CPA6: variants seen among roughly 807,000 people sequenced by gnomAD.
CPA6 encodes the protein carboxypeptidase B.
Under a neutral mutation model 63.3 loss-of-function variants are expected in CPA6, and 58 were observed. The ratio of observed to expected loss-of-function variants is 0.92; its 90% CI spans 0.74 to 1.14. CPA6 has a LOEUF of 1.14. Among genes scored for constraint, CPA6 ranks in the 50% most tolerant of loss-of-function variants. The pLI is 0.00. For synonymous variants in CPA6, 185 were observed against 179.0 expected (o/e 1.03, Z -0.27); for missense variants, 565 against 526.6 (o/e 1.07, Z -0.71).
intron 1 of CPA6, among the ~76,000 whole-genome samples, chr8:67,662,092 T>C (rs1489958804): frequency 6.6e-6 from 1 of 152,150 alleles, no homozygotes; most frequent in Non-Finnish European, 1.5e-5. Context: ...TGGTGCAGGT[T>C]CTGGGGGAGG....
intron 8 of CPA6, among the ~76,000 whole-genome samples, chr8:67,440,386 C>T (rs567060732): frequency 2.6e-5 from 4 of 152,100 alleles, no homozygotes; most frequent in African/African-American, 4.8e-5. Flanking sequence ...GCCTGGCCAA[C>T]GTGGTAAAAC....
At chr8:67,682,597 G>T (rs964092687) in intron 1 of CPA6, among the ~76,000 whole-genome samples, 1 of 152,178 alleles carries the variant, frequency 6.6e-6, no homozygotes, top group Non-Finnish European at 1.5e-5. Flanking sequence ...ATTTGACTTT[G>T]TTGGGTCTTG....
chr8:67,611,786 A>T (rs879924267), intron 2 of CPA6, among the ~76,000 whole-genome samples: 8 of 152,178 alleles, frequency 5.3e-5, no homozygotes, highest in African/African-American at 1.4e-4. Flanking sequence ...AGTTTTGCTC[A>T]TACCAAAGCA....
intron 2 of CPA6, among the ~76,000 whole-genome samples, chr8:67,573,912 A>AAAAAAAAAAAAAC (rs1813554974): frequency 6.6e-6 from 1 of 150,550 alleles, no homozygotes; most frequent in Non-Finnish European, 1.5e-5. Flanking sequence ...AAAAAAAAAA[A>AAAAAAAAAAAAAC]AAAAAAAATC....
chr8:67,489,485 T>A (rs1355936638), intron 6 of CPA6, among the ~76,000 whole-genome samples: 1 of 147,752 alleles, frequency 6.8e-6, no homozygotes, highest in African/African-American at 2.6e-5. Context: ...ATAAATGTTT[T>A]TTTCTAAATA....
At chr8:67,635,778 A>T (rs1361895383) in intron 1 of CPA6, among the ~76,000 whole-genome samples, 1 of 151,660 alleles carries the variant, frequency 6.6e-6, no homozygotes, top group African/African-American at 2.4e-5. Flanking sequence ...AAAAAGAAAA[A>T]AATAATGTCA....
rs138980672 is a variant in CPA6 at position 67,541,638 on chromosome 8, C to T, written c.193-23591G>A. 5.7e-3 allele frequency among the ~76,000 whole-genome samples: 863 copies of T among 152,224 alleles called. 6 individuals carry two copies. Among genetic ancestry groups the T allele is most frequent in the African/African-American group, 0.02 (811 of 41,536 alleles). On this transcript the variant is annotated intron_variant, in intron 2 of 10. Transcript: ENST00000297770. Reference sequence around the variant, plus strand: ...CGGTTGTTGGAGATGTGAGTCTTGCCGAAGCTCCCGGCTGAATAAAGCCCT... The same window carrying T: ...CGGTTGTTGGAGATGTGAGTCTTGCTGAAGCTCCCGGCTGAATAAAGCCCT...
At chr8:67,486,894 C>T (rs1191935063) in intron 6 of CPA6, among the ~76,000 whole-genome samples, 5 of 147,452 alleles carry the variant, frequency 3.4e-5, no homozygotes, top group African/African-American at 1.0e-4. Context: ...TTGGAGACGT[C>T]TTGCTTTGTC....
intron 2 of CPA6, among the ~76,000 whole-genome samples, chr8:67,536,770 G>C (rs1475380739): frequency 6.6e-6 from 1 of 152,126 alleles, no homozygotes; most frequent in Non-Finnish European, 1.5e-5. Context: ...CTTGTCTCAT[G>C]CCGGTTTTCA....
chr8:67,631,596 G>T (rs1030470968), intron 1 of CPA6, among the ~76,000 whole-genome samples: 11 of 151,996 alleles, frequency 7.2e-5, no homozygotes, highest in African/African-American at 2.4e-4. Context: ...CAATCAGCAG[G>T]ATGTGGGTGG....
intron 2 of CPA6, among the ~76,000 whole-genome samples, chr8:67,596,775 C>G (rs1814348608): frequency 6.6e-6 from 1 of 152,202 alleles, no homozygotes; most frequent in Admixed American, 6.5e-5. Flanking sequence ...GGACATCTCT[C>G]TTTGGTCTCC....
At chr8:67,542,270 A>G (rs1181433618) in intron 2 of CPA6, among the ~76,000 whole-genome samples, 1 of 152,224 alleles carries the variant, frequency 6.6e-6, no homozygotes. Flanking sequence ...TCCAGTAGTC[A>G]TTACTGACAA....
chr8:67,629,224 T>TGGGAGGC (rs1268909807), intron 1 of CPA6, among the ~76,000 whole-genome samples: 1 of 151,938 alleles, frequency 6.6e-6, no homozygotes, highest in Non-Finnish European at 1.5e-5. Flanking sequence ...TTCCAGAACT[T>TGGGAGGC]GGGAGGCTGA....
At position 67,743,679 on chromosome 8, in the gene CPA6, C is replaced by G. The variant is rs1032215351; in HGVS notation, c.116+2335G>C. On this transcript the variant is annotated intron_variant, in intron 1 of 10. Coordinates refer to ENST00000297770, the MANE Select transcript of CPA6 (RefSeq NM_020361.5). ...CTTAAATTTACCATTTACTAAGCAT[C>G]TATTACACACTTGGCACTATCCAAT... Among the ~76,000 whole-genome samples the G allele has an allele frequency of 2.0e-5, 3 of 152,014 alleles. No homozygotes were observed. The East Asian group carries it at 5.8e-4, about 29-fold the overall frequency.
At chr8:67,611,054 A>G (rs1316745559) in intron 2 of CPA6, among the ~76,000 whole-genome samples, 1 of 151,342 alleles carries the variant, frequency 6.6e-6, no homozygotes, top group African/African-American at 2.4e-5. Flanking sequence ...ATTATCCCAT[A>G]ACATCTACCA....
chr8:67,549,792 A>G (rs548207016), intron 2 of CPA6, among the ~76,000 whole-genome samples: 2 of 152,306 alleles, frequency 1.3e-5, no homozygotes, highest in South Asian at 2.1e-4. Context: ...GTGTTCATCC[A>G]TGGTGTCATA....
At chr8:67,563,003 G>T (rs369585418) in intron 2 of CPA6, among the ~76,000 whole-genome samples, 1 of 151,918 alleles carries the variant, frequency 6.6e-6, no homozygotes, top group Non-Finnish European at 1.5e-5. Context: ...CCAAAGGATC[G>T]TAAGCTCTTC....
intron 9 of CPA6, among the ~76,000 whole-genome samples, chr8:67,433,060 C>T (rs748257921): frequency 2.6e-5 from 4 of 152,110 alleles, no homozygotes; most frequent in Non-Finnish European, 5.9e-5. Flanking sequence ...AGAGGTGGTA[C>T]TGGAAAAAGA....
At chr8:67,708,346 G>GA (rs1044168589) in intron 1 of CPA6, among the ~76,000 whole-genome samples, 6 of 152,126 alleles carry the variant, frequency 3.9e-5, no homozygotes, top group Admixed American at 3.9e-4. Flanking sequence ...GAGCAGGAGA[G>GA]AAAAAAATTA....
Sources: gnomAD v4.1 joint callset for allele counts (sites outside exome capture counted in the v4.1 genomes callset) on GRCh38, gnomAD v4.1.1 for gene constraint, MANE v1.5 for transcripts, NCBI Gene and HGNC (gene_info 2026-07-23, HGNC 2026-07-21) for gene names.